The following ATP8A2 variants were observed in gnomAD, a reference collection of about 807,000 sequenced individuals.
The protein encoded by ATP8A2 is phospholipid-transporting ATPase IB.
ATP8A2 carries 100 observed loss-of-function variants against 165.6 expected under a neutral mutation model. The observed-to-expected ratio is 0.60, with a 90% CI of 0.51 to 0.71. The LOEUF (loss-of-function observed/expected upper bound fraction) is 0.71. Among genes scored for constraint, ATP8A2 ranks in the 30% least tolerant of loss-of-function variants. The pLI is 0.00. For synonymous variants in ATP8A2, 543 were observed against 548.8 expected, an observed-to-expected ratio of 0.99 and a Z score of 0.15; for missense variants, 1,227 against 1,479.5, an observed-to-expected ratio of 0.83 and a Z score of 2.80.
intron 35 of ATP8A2, among the ~76,000 whole-genome samples, chr13:25,998,265 C>T (rs1956557874): frequency 6.6e-6 from 1 of 152,144 alleles, no homozygotes; most frequent in Admixed American, 6.5e-5. Context: ...CTGCTGACAT[C>T]CCAGAAGGGA....
intron 34 of ATP8A2, 64 bp downstream of exon 34, chr13:25,961,727 C>T: frequency 8.3e-7 from 1 of 1,203,960 alleles, no homozygotes; most frequent in Non-Finnish European, 1.2e-6. Context: ...TTGTCTTTCT[C>T]ATGAGTCCTG....
rs777113751 is a variant in ATP8A2 at position 25,750,958 on chromosome 13, A to G, written c.2385-18088A>G. Among the ~76,000 whole-genome samples, 1 of 152,178 alleles carries G rather than the reference A, an allele frequency of 6.6e-6. No homozygotes were observed. The highest frequency in any genetic ancestry group is 2.4e-5 in the African/African-American group (1 of 41,434). On this transcript the variant is annotated intron_variant, in intron 25 of 36. Coordinates refer to ENST00000381655, the MANE Select transcript of ATP8A2 (RefSeq NM_016529.6). The surrounding 1 kb of genome is among the most constrained non-coding windows in gnomAD (Gnocchi z 4.3). The stretch of plus-strand genomic sequence containing the variant: ...GAGGTTTTCAGCACCACAGTGTATC[A>G]GAGCACTCACAGAGAGCTTGGGAGT...
intron 25 of ATP8A2, among the ~76,000 whole-genome samples, chr13:25,742,431 C>T (rs1396499297): frequency 6.6e-6 from 1 of 151,724 alleles, no homozygotes; most frequent in Non-Finnish European, 1.5e-5. Flanking sequence ...ATGAGGGGTA[C>T]ACATGTGTTT....
intron 15 of ATP8A2, among the ~76,000 whole-genome samples, chr13:25,563,015 G>C (rs1052164379): frequency 6.6e-6 from 1 of 152,188 alleles, no homozygotes; most frequent in South Asian, 2.1e-4. Context: ...CTTGCAAGCT[G>C]TTGGTTACTG....
intron 24 of ATP8A2, among the ~76,000 whole-genome samples, chr13:25,600,380 T>G (rs927496465): frequency 6.6e-6 from 1 of 152,160 alleles, no homozygotes; most frequent in Admixed American, 6.5e-5. Flanking sequence ...TAGTTCCTAC[T>G]CCAGTAGCAT....
At chr13:25,985,463 C>G (rs1956261749) in intron 35 of ATP8A2, among the ~76,000 whole-genome samples, 4 of 152,160 alleles carry the variant, frequency 2.6e-5, no homozygotes, top group African/African-American at 9.7e-5. Flanking sequence ...CTTTCAGTTG[C>G]CGATACCAGA....
At chr13:25,851,707 T>C (rs955925358) in intron 30 of ATP8A2, among the ~76,000 whole-genome samples, 2 of 152,198 alleles carry the variant, frequency 1.3e-5, no homozygotes, top group Non-Finnish European at 2.9e-5. Flanking sequence ...TCTTAAGGGT[T>C]CCCCTCCATG....
chr13:25,538,602 C>T (rs2038363714), intron 7 of ATP8A2, among the ~76,000 whole-genome samples: 1 of 152,182 alleles, frequency 6.6e-6, no homozygotes. Context: ...AGGAAGGAAT[C>T]ATCACTCAGT....
intron 24 of ATP8A2, among the ~76,000 whole-genome samples, chr13:25,599,098 G>A (rs1469368544): frequency 6.6e-6 from 1 of 151,874 alleles, no homozygotes; most frequent in African/African-American, 2.4e-5. Flanking sequence ...AAAAATATAT[G>A]TATCTATTTT....
At chr13:25,375,443 A>G (rs1453037184) in intron 1 of ATP8A2, among the ~76,000 whole-genome samples, 3 of 152,100 alleles carry the variant, frequency 2.0e-5, no homozygotes, top group Non-Finnish European at 4.4e-5. Context: ...AAAGGAAGGA[A>G]GTTGTTTTCT....
In ATP8A2 at chr13:25,531,339, ATATATGATATATATGT is replaced by A. The variant is rs1441905609; in HGVS notation, c.420+685_420+700del. Among the ~76,000 whole-genome samples, 17 of 137,884 alleles carry A rather than the reference ATATATGATATATATGT, an allele frequency of 1.2e-4. No homozygotes were observed. In the East Asian group the frequency reaches 1.4e-3, roughly 11 times the overall value. The allele number at this position is 137,884 out of a possible 152,430, so 90.5% of individuals were successfully genotyped here. A position where few individuals can be genotyped will look rare whatever the true frequency, so the allele number is the denominator to read the frequency against. ...ATGTTATATATGATATATATATGTTATATATGATATATATGTTATATATGATATATATATGTTATAT... is the reference window on the plus strand; with the variant it reads ...ATGTTATATATGATATATATATGTTATATATATGATATATATATGTTATAT... On this transcript the variant is annotated intron_variant, in intron 4 of 36. Coordinates refer to ENST00000381655, the MANE Select transcript of ATP8A2 (RefSeq NM_016529.6).
At chr13:25,661,236 C>G (rs991632583) in intron 24 of ATP8A2, among the ~76,000 whole-genome samples, 1 of 152,202 alleles carries the variant, frequency 6.6e-6, no homozygotes, top group Admixed American at 6.5e-5. Context: ...CAGGAACCAT[C>G]TGTTCTACTA....
At chr13:25,413,354 TCA>T (rs1398005382) in intron 1 of ATP8A2, among the ~76,000 whole-genome samples, 1 of 142,850 alleles carries the variant, frequency 7.0e-6, no homozygotes, top group Non-Finnish European at 1.5e-5. Flanking sequence ...TGGTCTTGAC[TCA>T]CTGCAACATC....
chr13:25,587,269 C>T (rs907944932), intron 23 of ATP8A2, among the ~76,000 whole-genome samples: 1 of 152,176 alleles, frequency 6.6e-6, no homozygotes, highest in Admixed American at 6.5e-5. Flanking sequence ...CTGTCTAGTG[C>T]GAGTGCTCCA....
chr13:25,859,641 T>C (rs1315703679), intron 30 of ATP8A2, among the ~76,000 whole-genome samples: 3 of 151,820 alleles, frequency 2.0e-5, no homozygotes, highest in Admixed American at 2.0e-4. Context: ...GTCATTGGAG[T>C]GCTTGCGTTC....
chr13:25,468,097 T>A (rs909386480), intron 1 of ATP8A2, among the ~76,000 whole-genome samples: 1 of 152,116 alleles, frequency 6.6e-6, no homozygotes, highest in Non-Finnish European at 1.5e-5. Context: ...TACGTGCGGG[T>A]ACCAGTTTCA....
intron 34 of ATP8A2, among the ~76,000 whole-genome samples, chr13:25,962,248 A>C (rs1955676064): frequency 6.6e-6 from 1 of 152,144 alleles, no homozygotes; most frequent in African/African-American, 2.4e-5. Context: ...TCCCATGCTT[A>C]GAGGGAAGCT....
At chr13:25,538,122 C>G in intron 7 of ATP8A2, 61 bp downstream of exon 7, 4 of 1,313,090 alleles carry the variant, frequency 3.0e-6, no homozygotes, top group Non-Finnish European at 4.4e-6. Flanking sequence ...AAATATTAAG[C>G]AGCACCTGGG....
At chr13:25,801,907 TG>T (rs1181759002) in intron 27 of ATP8A2, among the ~76,000 whole-genome samples, 1 of 151,988 alleles carries the variant, frequency 6.6e-6, no homozygotes. Flanking sequence ...CAGAGCAAAG[TG>T]GGGGCAGAAA....
Sources: allele counts gnomAD v4.1 joint callset (sites outside exome capture counted in the v4.1 genomes callset), GRCh38; gene constraint gnomAD v4.1.1; non-coding constraint Gnocchi (gnomAD v3.1); transcripts MANE v1.5; gene names NCBI Gene and HGNC (gene_info 2026-07-23, HGNC 2026-07-21).